Variants in CRTAC1 observed in about 807,000 individuals in gnomAD.
CRTAC1 encodes acidic secreted protein in cartilage.
A neutral mutation model predicts 67.8 loss-of-function variants in CRTAC1; 37 were observed. The observed-to-expected ratio is 0.55, with a 90% CI of 0.42 to 0.72. CRTAC1 has a LOEUF of 0.72. Among genes scored for constraint, CRTAC1 ranks in the 30% least tolerant of loss-of-function variants. The probability of loss-of-function intolerance (pLI) is 0.00; values close to 1 mark genes in which losing one functional copy is unlikely to be tolerated. For missense variants in CRTAC1, 780 were observed against 931.6 expected, an observed-to-expected ratio of 0.84 and a Z score of 2.12; for synonymous variants, 348 against 371.0, an observed-to-expected ratio of 0.94 and a Z score of 0.71.
chr10:97,936,396 G>C, intron 2 of CRTAC1, 30 bp from the exon 3 acceptor site: 1 of 1,577,550 alleles, frequency 6.3e-7, no homozygotes. Context: ...GGGATGCTGG[G>C]GAGGAGCCGC....
At position 98,029,514 on chromosome 10, in the gene CRTAC1, C is replaced by G. The variant is rs984128387; in HGVS notation, c.24+935G>C. Reference sequence around the variant, plus strand: ...GCAGCGGCGGCGGCGGCGGCGGCGGCGGCGGCGGCGGCGGCAGCAGCAGCA... The same window carrying G: ...GCAGCGGCGGCGGCGGCGGCGGCGGGGGCGGCGGCGGCGGCAGCAGCAGCA... On this transcript the variant is annotated intron_variant, in intron 1 of 14. Transcript: ENST00000370597. The surrounding 1 kb of genome is among the most constrained non-coding windows in gnomAD (Gnocchi z 4.7). Among the ~76,000 whole-genome samples, 9 of 140,204 alleles carry G rather than the reference C, an allele frequency of 6.4e-5. No individual in the cohort carries two copies. Among genetic ancestry groups the G allele is most frequent in the African/African-American group, 2.9e-4 (9 of 30,634 alleles). 92.0% of individuals were successfully genotyped at this position (140,204 alleles called of 152,430 possible). A position where few individuals can be genotyped will look rare whatever the true frequency, so the allele number is the denominator to read the frequency against.
chr10:97,923,379 T>A lies in CRTAC1; in HGVS notation c.443A>T (p.Lys148Met). The change falls in exon 4 of 15, where the codon AAG becomes ATG. Residue 148 changes from lysine (K) to methionine (M), a missense_variant. Physicochemically the swap from Lys to Met is moderately conservative, Grantham distance 95 (BLOSUM62 -1). Coordinates refer to ENST00000370597, the MANE Select transcript of CRTAC1 (RefSeq NM_018058.7). ...CCGGTTATTGCGGAACTTGAACAAC[T>A]TGTCGGTGTACGTGGCCACCCCTGG... ...AFSGVATYTD[K>M]LFKFRNNRWE... The A allele has an allele frequency of 1.9e-6, 3 of 1,614,052 alleles. No homozygotes were observed. The highest frequency in any genetic ancestry group is 2.5e-6 in the Non-Finnish European group (3 of 1,179,998).
chr10:97,997,452 A>C (rs1230435751), intron 2 of CRTAC1, among the ~76,000 whole-genome samples: 1 of 93,642 alleles, frequency 1.1e-5, no homozygotes, highest in East Asian at 2.8e-4. Context: ...ACTCTGTCTC[A>C]AAAAAAAAAA....
At chr10:97,934,979 C>T (rs1382985465) in intron 3 of CRTAC1, among the ~76,000 whole-genome samples, 12 of 105,780 alleles carry the variant, frequency 1.1e-4, no homozygotes, top group African/African-American at 4.1e-4. Flanking sequence ...GGGGGAGCGG[C>T]GGGCGCGGCG....
intron 3 of CRTAC1, among the ~76,000 whole-genome samples, chr10:97,931,390 T>C (rs2051001428): frequency 6.6e-6 from 1 of 152,228 alleles, no homozygotes; most frequent in Non-Finnish European, 1.5e-5. Context: ...TACAAACTTA[T>C]TCATTTGGTA....
rs190363160 is a variant in CRTAC1 at position 97,993,897 on chromosome 10, G to A, written c.224+17241C>T. On this transcript the variant is annotated intron_variant, in intron 2 of 14. Coordinates refer to ENST00000370597, the MANE Select transcript of CRTAC1 (RefSeq NM_018058.7). ...TTGAGACAGAGTTTTGCTCTTGTCC[G>A]CCAGCCTGGAGTGCAATGGTGTCAT... 5.0e-3 allele frequency among the ~76,000 whole-genome samples: 758 copies of A among 152,034 alleles called. 4 individuals carry two copies. The highest frequency in any genetic ancestry group is 0.016 in the African/African-American group (682 of 41,464).
chr10:98,013,871 G>A lies in CRTAC1; in HGVS notation c.25-2534C>T, dbSNP rs544164147. On this transcript the variant is annotated intron_variant, in intron 1 of 14. Coordinates refer to ENST00000370597, the MANE Select transcript of CRTAC1 (RefSeq NM_018058.7). Reference sequence around the variant, plus strand: ...GCCAGAGAGGAGCAAGCCATCATTAGTGTGGATCCTGAACTCACCCAGCAT... The same window carrying A: ...GCCAGAGAGGAGCAAGCCATCATTAATGTGGATCCTGAACTCACCCAGCAT... Among the ~76,000 whole-genome samples the A allele has an allele frequency of 5.3e-5, 8 of 152,338 alleles. No homozygotes were observed. The East Asian group carries it at 1.2e-3, about 22-fold the overall frequency.
intron 2 of CRTAC1, among the ~76,000 whole-genome samples, chr10:98,008,445 C>T (rs973151494): frequency 1.3e-4 from 19 of 151,806 alleles, no homozygotes; most frequent in African/African-American, 4.4e-4. Context: ...GGGCACCCAA[C>T]GGGTCTCCTG....
At position 97,919,771 on chromosome 10, in the gene CRTAC1, C is replaced by CTTTTTT. The variant is rs769852925; in HGVS notation, c.559-2121_559-2116dup. On this transcript the variant is annotated intron_variant, in intron 4 of 14. Coordinates refer to ENST00000370597, the MANE Select transcript of CRTAC1 (RefSeq NM_018058.7). ...GAGATGCACTGCTTTACAGTACAGC[C>CTTTTTT]TTTTTTTTTTTTTTTAAGACAGGGT... Among the ~76,000 whole-genome samples, 531 of 106,280 alleles carry CTTTTTT rather than the reference C, an allele frequency of 5.0e-3. 17 individuals are homozygous for CTTTTTT. The highest frequency in any genetic ancestry group is 0.018 in the African/African-American group (503 of 27,672). The allele number at this position is 106,280 out of a possible 152,430, so 69.7% of individuals were successfully genotyped here.
At chr10:97,971,215 A>G (rs1022440403) in intron 2 of CRTAC1, among the ~76,000 whole-genome samples, 2 of 152,242 alleles carry the variant, frequency 1.3e-5, no homozygotes, top group African/African-American at 4.8e-5. Context: ...ATTGATGACT[A>G]GGAATCTATT....
chr10:97,875,288 AT>A (rs1006078254), intron 14 of CRTAC1, among the ~76,000 whole-genome samples: 1 of 152,224 alleles, frequency 6.6e-6, no homozygotes, highest in Non-Finnish European at 1.5e-5. Context: ...GGGTGTGAGT[AT>A]TCATGGAGAC....
intron 1 of CRTAC1, among the ~76,000 whole-genome samples, chr10:98,019,478 G>A (rs890071006): frequency 6.6e-6 from 1 of 152,198 alleles, no homozygotes; most frequent in Non-Finnish European, 1.5e-5. Context: ...GGCACAGGAT[G>A]CTGCTGAACA....
chr10:98,017,007 CTG>C (rs1349378274), intron 1 of CRTAC1, among the ~76,000 whole-genome samples: 1 of 152,156 alleles, frequency 6.6e-6, no homozygotes, highest in Non-Finnish European at 1.5e-5. Flanking sequence ...TGTCACACCA[CTG>C]TGAACATCTG....
chr10:97,916,679 C>T (rs187107506), intron 5 of CRTAC1, among the ~76,000 whole-genome samples: 28 of 152,236 alleles, frequency 1.8e-4, no homozygotes, highest in Admixed American at 1.7e-3. Flanking sequence ...TTGGGAAGGC[C>T]GACCAACAAG....
intron 5 of CRTAC1, among the ~76,000 whole-genome samples, chr10:97,912,504 C>A (rs2050701369): frequency 6.6e-6 from 1 of 152,240 alleles, no homozygotes; most frequent in Non-Finnish European, 1.5e-5. Flanking sequence ...CATCCCTTTA[C>A]CTCTGAGCCC....
rs58716155 is a variant in CRTAC1 at position 97,950,233 on chromosome 10, GCACACACA to G, written c.225-13875_225-13868del. 9.0e-3 allele frequency among the ~76,000 whole-genome samples: 1,132 copies of G among 126,302 alleles called. 10 individuals are homozygous for G. The highest frequency in any genetic ancestry group is 0.017 in the South Asian group (62 of 3,572). The allele number at this position is 126,302 out of a possible 152,430, so 82.9% of individuals were successfully genotyped here. ...ACAGCTGTTGGTTTTGCATGTACGT[GCACACACA>G]CACACAGAGAGAGAGAGAGAGAGAG... On this transcript the variant is annotated intron_variant, in intron 2 of 14. Transcript: ENST00000370597.
At chr10:97,881,217 C>A (rs144794405) in intron 13 of CRTAC1, among the ~76,000 whole-genome samples, 19 of 152,196 alleles carry the variant, frequency 1.2e-4, no homozygotes, top group Non-Finnish European at 2.6e-4. Context: ...CCTACAGGGG[C>A]CTCATGGACT....
chr10:97,945,730 A>C (rs957796003), intron 2 of CRTAC1, among the ~76,000 whole-genome samples: 2 of 152,128 alleles, frequency 1.3e-5, no homozygotes, highest in Non-Finnish European at 2.9e-5. Context: ...AGTGGAGAAG[A>C]CTCCACAAAT....
At position 97,895,230 on chromosome 10, in the gene CRTAC1, C is replaced by T. The variant is rs752271540; in HGVS notation, c.1486+15G>A. 40 of 1,605,824 alleles carry T rather than the reference C, an allele frequency of 2.5e-5. No homozygotes were observed. Among genetic ancestry groups the T allele is most frequent in the Middle Eastern group, 1.7e-4 (1 of 6,060 alleles). The stretch of plus-strand genomic sequence containing the variant: ...CTGATAACAGCTCACTGTCCCCCAC[C>T]GGACCCCGACTCACCCAGGCCAAAG... On this transcript the variant is annotated intron_variant, in intron 11 of 14. Coordinates refer to ENST00000370597, the MANE Select transcript of CRTAC1 (RefSeq NM_018058.7). This position sits in a 1 kb window ranked among gnomAD's most constrained non-coding sequence, Gnocchi z 4.2.
Sources: allele counts gnomAD v4.1 joint callset (sites outside exome capture counted in the v4.1 genomes callset), GRCh38; gene constraint gnomAD v4.1.1; non-coding constraint Gnocchi (gnomAD v3.1); transcripts MANE v1.5; gene names NCBI Gene and HGNC (gene_info 2026-07-23, HGNC 2026-07-21).